Variants in FTO observed in about 807,000 individuals in gnomAD.
FTO encodes alpha-ketoglutarate-dependent dioxygenase FTO.
In FTO, 47 loss-of-function variants were observed where a neutral mutation model predicts 63.9. The observed-to-expected ratio is 0.74, with a 90% confidence interval of 0.58 to 0.94. The LOEUF (loss-of-function observed/expected upper bound fraction) is 0.94. Among genes scored for constraint, FTO ranks in the 40% least tolerant of loss-of-function variants. FTO has a pLI of 0.00. For missense variants in FTO, 562 were observed against 618.1 expected (o/e 0.91, Z 0.96); for synonymous variants, 207 against 224.4 (o/e 0.92, Z 0.69).
chr16:54,090,225 G>A (rs1325602977), intron 8 of FTO, among the ~76,000 whole-genome samples: 2 of 152,160 alleles, frequency 1.3e-5, no homozygotes, highest in East Asian at 1.9e-4. Context: ...ATTGAAACAC[G>A]GGCCACAGTA....
intron 1 of FTO, among the ~76,000 whole-genome samples, chr16:53,719,918 C>A (rs2075997286): frequency 6.6e-6 from 1 of 151,834 alleles, no homozygotes; most frequent in South Asian, 2.1e-4. Flanking sequence ...CTTTCTCATA[C>A]CTTAGTTATA....
At chr16:53,735,465 G>A (rs1300316660) in intron 1 of FTO, among the ~76,000 whole-genome samples, 1 of 152,214 alleles carries the variant, frequency 6.6e-6, no homozygotes, top group Non-Finnish European at 1.5e-5. Context: ...GTCAGGGAGG[G>A]CCTCTTGGAG....
At chr16:53,710,478 T>C (rs959745791) in intron 1 of FTO, among the ~76,000 whole-genome samples, 1 of 152,172 alleles carries the variant, frequency 6.6e-6, no homozygotes, top group Non-Finnish European at 1.5e-5. Context: ...TTGGCCAGCC[T>C]GATCTCGAAC....
chr16:53,894,235 T>A (rs1416458862), intron 7 of FTO, among the ~76,000 whole-genome samples: 1 of 152,222 alleles, frequency 6.6e-6, no homozygotes, highest in African/African-American at 2.4e-5. Context: ...TATTTTGGCC[T>A]ATGTAAATCA....
chr16:53,971,652 C>A (rs2083320291), intron 8 of FTO, among the ~76,000 whole-genome samples: 1 of 152,182 alleles, frequency 6.6e-6, no homozygotes, highest in Non-Finnish European at 1.5e-5. Flanking sequence ...TTGGGAACAG[C>A]CCCCTTGGCA....
At chr16:53,895,823 A>T (rs1296909658) in intron 7 of FTO, among the ~76,000 whole-genome samples, 1 of 152,208 alleles carries the variant, frequency 6.6e-6, no homozygotes, top group Non-Finnish European at 1.5e-5. Flanking sequence ...AATGCTGAAG[A>T]TGCTGAGACA....
chr16:53,834,251 C>T (rs1779485139), intron 3 of FTO, among the ~76,000 whole-genome samples: 1 of 152,078 alleles, frequency 6.6e-6, no homozygotes, highest in Non-Finnish European at 1.5e-5. Context: ...GTCTTGATCT[C>T]CTGACCTTGT....
intron 8 of FTO, among the ~76,000 whole-genome samples, chr16:54,108,588 T>G (rs1599380428): frequency 6.6e-6 from 1 of 152,272 alleles, no homozygotes; most frequent in African/African-American, 2.4e-5. Context: ...AACAGGCAAC[T>G]CTCTCATTGG....
chr16:54,106,540 AT>A (rs1432404953), intron 8 of FTO, among the ~76,000 whole-genome samples: 1 of 128,650 alleles, frequency 7.8e-6, no homozygotes, highest in Non-Finnish European at 1.7e-5. Context: ...TATTTTATAT[AT>A]TATATAATAT....
intron 8 of FTO, among the ~76,000 whole-genome samples, chr16:54,098,425 G>A (rs878922397): frequency 6.6e-6 from 1 of 152,178 alleles, no homozygotes; most frequent in African/African-American, 2.4e-5. Flanking sequence ...CAGGTTACAC[G>A]GAAGTAGTTC....
At chr16:53,839,033 C>G (rs2079388009) in intron 3 of FTO, among the ~76,000 whole-genome samples, 1 of 152,080 alleles carries the variant, frequency 6.6e-6, no homozygotes, top group South Asian at 2.1e-4. Flanking sequence ...TCCTGTAGAG[C>G]CGTGGTTATA....
Position 54,114,233 on chromosome 16 carries a change from C to G in FTO, c.*2318C>G, listed in dbSNP as rs1395583383. On this transcript the variant is annotated 3_prime_UTR_variant, in exon 9 of 9. Coordinates refer to ENST00000471389, the MANE Select transcript of FTO (RefSeq NM_001080432.3). ...ATGACCCAGCCTATGGTTTGCCATA[C>G]TCCCTCTTTTTCTCCGTTTTTTCAT... is the stretch of plus-strand genomic sequence containing the variant. The G allele has an allele frequency of 1.3e-5, 2 of 152,176 alleles. No individual in the cohort carries two copies. The highest frequency in any genetic ancestry group is 4.8e-5 in the African/African-American group (2 of 41,438). The allele number at this position is 152,176 out of a possible 1,614,324, so 9.4% of individuals were successfully genotyped here. A position where few individuals can be genotyped will look rare whatever the true frequency, so the allele number is the denominator to read the frequency against.
At chr16:53,725,523 C>G (rs535013865) in intron 1 of FTO, among the ~76,000 whole-genome samples, 2 of 152,138 alleles carry the variant, frequency 1.3e-5, no homozygotes, top group South Asian at 4.1e-4. Context: ...TATTTTTTGC[C>G]TAAGAGTGGA....
intron 8 of FTO, among the ~76,000 whole-genome samples, chr16:53,942,400 C>G (rs534100523): frequency 7.2e-4 from 110 of 152,286 alleles, no homozygotes; most frequent in African/African-American, 2.5e-3. Context: ...GACATGGTCT[C>G]CTCCCTGAGC....
chr16:53,781,218 GC>G (rs1218658196), intron 1 of FTO, among the ~76,000 whole-genome samples: 6 of 152,212 alleles, frequency 3.9e-5, no homozygotes, highest in Non-Finnish European at 8.8e-5. Flanking sequence ...AGGCTACGCA[GC>G]TACTAAATGC....
chr16:53,905,659 C>T (rs891571593), intron 7 of FTO, among the ~76,000 whole-genome samples: 4 of 151,950 alleles, frequency 2.6e-5, no homozygotes, highest in African/African-American at 9.7e-5. Context: ...TTATTTTTTT[C>T]CTGAGAGTAT....
chr16:53,872,279 A>C (rs941715989), intron 4 of FTO, among the ~76,000 whole-genome samples: 1 of 152,156 alleles, frequency 6.6e-6, no homozygotes, highest in African/African-American at 2.4e-5. Context: ...TTTTATTCAT[A>C]CATGCACAGG....
intron 6 of FTO, among the ~76,000 whole-genome samples, chr16:53,881,118 T>G (rs1248904339): frequency 1.3e-5 from 2 of 148,446 alleles, no homozygotes; most frequent in Non-Finnish European, 3.0e-5. Context: ...TGAGACTCCG[T>G]CTCAAAATAA....
intron 7 of FTO, among the ~76,000 whole-genome samples, chr16:53,898,659 C>T (rs2081331441): frequency 6.6e-6 from 1 of 152,098 alleles, no homozygotes; most frequent in Admixed American, 6.5e-5. Flanking sequence ...CTGCCTTTTC[C>T]TCCCACCCAT....
Sources: gnomAD v4.1 joint callset for allele counts (sites outside exome capture counted in the v4.1 genomes callset) on GRCh38, gnomAD v4.1.1 for gene constraint, MANE v1.5 for transcripts, NCBI Gene and HGNC (gene_info 2026-07-23, HGNC 2026-07-21) for gene names.